Variants in NKAIN3 observed in about 807,000 individuals in gnomAD.
The protein encoded by NKAIN3 is sodium/potassium-transporting ATPase subunit beta-1-interacting protein 3.
NKAIN3 carries 25 observed loss-of-function variants against 30.2 expected under a neutral mutation model. The observed-to-expected ratio is 0.83, with a 90% CI of 0.60 to 1.16. NKAIN3 has a LOEUF of 1.16. Ranked by LOEUF, NKAIN3 falls within the 50% of genes most tolerant of loss-of-function variation. The pLI, the probability that NKAIN3 is intolerant of heterozygous loss-of-function variation, is 0.00. For missense variants in NKAIN3, 225 were observed against 254.1 expected (o/e 0.89, Z 0.78); for synonymous variants, 91 against 89.6 (o/e 1.02, Z -0.09).
At chr8:62,893,645 T>TGTGC (rs1253586931) in intron 4 of NKAIN3, among the ~76,000 whole-genome samples, 1 of 9,426 alleles carries the variant, frequency 1.1e-4, no homozygotes, top group East Asian at 0.025. Context: ...ACTCCTTGAA[T>TGTGC]GTGTGTGTGT....
intron 1 of NKAIN3, among the ~76,000 whole-genome samples, chr8:62,422,838 C>T (rs1804686408): frequency 6.6e-6 from 1 of 152,142 alleles, no homozygotes; most frequent in Middle Eastern, 3.4e-3. Flanking sequence ...CTGTGCTAAA[C>T]AATGGAAATA....
chr8:62,310,275 G>C (rs1814386673), intron 1 of NKAIN3, among the ~76,000 whole-genome samples: 1 of 150,432 alleles, frequency 6.6e-6, no homozygotes, highest in Non-Finnish European at 1.5e-5. Flanking sequence ...TATTACTATA[G>C]AAATGAAAGC....
chr8:62,447,800 A>G (rs16928943), intron 1 of NKAIN3, among the ~76,000 whole-genome samples: 4,808 of 152,076 alleles, frequency 0.032, 287 homozygotes, highest in African/African-American at 0.11. Flanking sequence ...GATTATATCT[A>G]TGTAATTAGT....
chr8:62,744,042 G>A (rs1815992467), intron 3 of NKAIN3, among the ~76,000 whole-genome samples: 1 of 152,154 alleles, frequency 6.6e-6, no homozygotes, highest in African/African-American at 2.4e-5. Flanking sequence ...GTTCGTTCTG[G>A]TTCTATGACC....
chr8:62,938,530 C>A (rs1822855642), intron 5 of NKAIN3, among the ~76,000 whole-genome samples: 2 of 151,548 alleles, frequency 1.3e-5, no homozygotes, highest in African/African-American at 4.9e-5. Flanking sequence ...GGAGCAGTTG[C>A]TAGTAACCAT....
intron 1 of NKAIN3, among the ~76,000 whole-genome samples, chr8:62,438,007 A>G (rs1218729664): frequency 1.3e-5 from 2 of 152,184 alleles, no homozygotes; most frequent in African/African-American, 2.4e-5. Context: ...TGATTTTGCA[A>G]ATTTTCTCTC....
intron 4 of NKAIN3, among the ~76,000 whole-genome samples, chr8:62,749,580 A>G (rs1816201504): frequency 6.6e-6 from 1 of 151,228 alleles, no homozygotes; most frequent in Non-Finnish European, 1.5e-5. Context: ...CTATCCAATT[A>G]TGTATTAGTG....
chr8:62,517,831 T>G lies in NKAIN3; in HGVS notation c.55-61708T>G, dbSNP rs1808041135. Among the ~76,000 whole-genome samples, 2 of 152,186 alleles carry G rather than the reference T, an allele frequency of 1.3e-5. 1 individual carries two copies. Among genetic ancestry groups the G allele is most frequent in the Admixed American group, 1.3e-4 (2 of 15,274 alleles). On this transcript the variant is annotated intron_variant, in intron 1 of 6. Coordinates refer to ENST00000623646, the MANE Select transcript of NKAIN3 (RefSeq NM_001304533.3). ...TACAGTTTGTTCAGAATGGTTCTAG[T>G]TCTCAATGTTTGCTTTTTAGAATTT...
chr8:62,248,960 CG>C lies in NKAIN3; in HGVS notation c.-110del. On this transcript the variant is annotated 5_prime_UTR_variant, in exon 1 of 7. Transcript: ENST00000623646. Reference sequence around the variant, plus strand: ...GCCCTGGAGCCGCGAGCGGCGGCCGCGGGGCCGAGGAGCCTGGGCCGGGCCG... The same window carrying C: ...GCCCTGGAGCCGCGAGCGGCGGCCGCGGGCCGAGGAGCCTGGGCCGGGCCG... The C allele has an allele frequency of 3.1e-6, 3 of 959,272 alleles. No homozygotes were observed. The highest frequency in any genetic ancestry group is 4.5e-6 in the Non-Finnish European group (3 of 672,014). The allele number at this position is 959,272 out of a possible 1,614,324, so 59.4% of individuals were successfully genotyped here.
At chr8:62,765,502 C>A (rs531568915) in intron 4 of NKAIN3, among the ~76,000 whole-genome samples, 2 of 152,260 alleles carry the variant, frequency 1.3e-5, no homozygotes, top group East Asian at 3.9e-4. Context: ...CTTTCTTGAG[C>A]AGATGTGGTA....
At chr8:62,594,312 CA>C (rs902388741) in intron 3 of NKAIN3, among the ~76,000 whole-genome samples, 5 of 152,116 alleles carry the variant, frequency 3.3e-5, no homozygotes, top group African/African-American at 1.2e-4. Flanking sequence ...ATTAAATTGA[CA>C]TCTATGTTTT....
chr8:62,260,448 T>C (rs1407483186), intron 1 of NKAIN3, among the ~76,000 whole-genome samples: 1 of 152,232 alleles, frequency 6.6e-6, no homozygotes, highest in Non-Finnish European at 1.5e-5. Context: ...AAATTATAGT[T>C]TATGAAAAGT....
intron 1 of NKAIN3, among the ~76,000 whole-genome samples, chr8:62,404,680 T>C (rs987547408): frequency 2.6e-5 from 4 of 152,108 alleles, no homozygotes; most frequent in African/African-American, 9.7e-5. Flanking sequence ...CTTCTTTCCT[T>C]TATATATTAC....
At chr8:62,903,372 G>A (rs1212650001) in intron 4 of NKAIN3, among the ~76,000 whole-genome samples, 3 of 151,968 alleles carry the variant, frequency 2.0e-5, no homozygotes, top group East Asian at 1.9e-4. Flanking sequence ...AACAGATTAG[G>A]TATTACTGGG....
intron 1 of NKAIN3, among the ~76,000 whole-genome samples, chr8:62,297,591 G>A (rs377441940): frequency 5.9e-5 from 9 of 151,690 alleles, no homozygotes; most frequent in South Asian, 4.2e-4. Context: ...ATCACTGGCC[G>A]TCAGAGAAAT....
At chr8:62,957,338 G>A (rs1054540074) in intron 6 of NKAIN3, among the ~76,000 whole-genome samples, 5 of 152,160 alleles carry the variant, frequency 3.3e-5, no homozygotes, top group East Asian at 1.9e-4. Flanking sequence ...GTTTCACCGT[G>A]TTAGCCAGGT....
intron 1 of NKAIN3, among the ~76,000 whole-genome samples, chr8:62,373,736 T>C (rs1171211130): frequency 6.6e-6 from 1 of 152,204 alleles, no homozygotes; most frequent in Non-Finnish European, 1.5e-5. Context: ...CAGCAGTCCA[T>C]CAACAAATGT....
At chr8:62,494,976 T>G (rs973023650) in intron 1 of NKAIN3, among the ~76,000 whole-genome samples, 1 of 152,146 alleles carries the variant, frequency 6.6e-6, no homozygotes, top group African/African-American at 2.4e-5. Context: ...GATTTGCTGA[T>G]CTTTTGAATT....
At chr8:62,810,403 A>C (rs936988004) in intron 4 of NKAIN3, among the ~76,000 whole-genome samples, 2 of 152,062 alleles carry the variant, frequency 1.3e-5, no homozygotes, top group African/African-American at 4.8e-5. Flanking sequence ...CAAGCATGGG[A>C]ATGAGAAGGT....
Sources: allele counts gnomAD v4.1 joint callset (sites outside exome capture counted in the v4.1 genomes callset), GRCh38; gene constraint gnomAD v4.1.1; transcripts MANE v1.5; gene names NCBI Gene and HGNC (gene_info 2026-07-23, HGNC 2026-07-21).